CDH13: variants seen among roughly 807,000 people sequenced by gnomAD.
CDH13 encodes the protein cadherin 13, also known as cadherin-13.
Under a neutral mutation model 63.8 loss-of-function variants are expected in CDH13, and 24 were observed. The ratio of observed to expected loss-of-function variants is 0.38; its 90% CI spans 0.27 to 0.53. CDH13 has a LOEUF of 0.53. Ranked by LOEUF, CDH13 falls within the 20% of genes least tolerant of loss-of-function variation. The pLI, the probability that CDH13 is intolerant of heterozygous loss-of-function variation, is 0.85. For synonymous variants in CDH13, 503 were observed against 355.3 expected (o/e 1.42, Z -4.67); for missense variants, 1,049 against 903.1 (o/e 1.16, Z -2.07).
chr16:82,686,745 A>G (rs1342280176), intron 1 of CDH13, among the ~76,000 whole-genome samples: 1 of 152,204 alleles, frequency 6.6e-6, no homozygotes, highest in Non-Finnish European at 1.5e-5. Flanking sequence ...CACAGGGGAA[A>G]TAGAGTGATC....
At chr16:82,661,188 C>T (rs912156675) in intron 1 of CDH13, among the ~76,000 whole-genome samples, 3 of 152,152 alleles carry the variant, frequency 2.0e-5, no homozygotes, top group Non-Finnish European at 4.4e-5. Flanking sequence ...TTACGCTGAC[C>T]TAGTGAGGTT....
chr16:83,507,153 C>A (rs987069543), intron 7 of CDH13, among the ~76,000 whole-genome samples: 1 of 152,212 alleles, frequency 6.6e-6, no homozygotes, highest in African/African-American at 2.4e-5. Flanking sequence ...TTCTGGTCTT[C>A]TTTGCATGAC....
At chr16:82,929,560 G>A (rs566177687) in intron 2 of CDH13, among the ~76,000 whole-genome samples, 1 of 144,770 alleles carries the variant, frequency 6.9e-6, no homozygotes, top group African/African-American at 2.6e-5. Flanking sequence ...GCTGAAGCAG[G>A]AGAATGGCAT....
At chr16:83,562,267 A>T (rs1284910759) in intron 7 of CDH13, among the ~76,000 whole-genome samples, 1 of 152,170 alleles carries the variant, frequency 6.6e-6, no homozygotes, top group African/African-American at 2.4e-5. Flanking sequence ...GTGCATCAGG[A>T]TCCTTGTCAG....
chr16:83,569,476 G>C (rs1384109794), intron 7 of CDH13, among the ~76,000 whole-genome samples: 2 of 152,144 alleles, frequency 1.3e-5, no homozygotes, highest in African/African-American at 4.8e-5. Flanking sequence ...TTTTTCTCTG[G>C]AAACTATGCT....
intron 2 of CDH13, among the ~76,000 whole-genome samples, chr16:82,971,182 T>G (rs1597328262): frequency 6.6e-6 from 1 of 152,342 alleles, no homozygotes; most frequent in South Asian, 2.1e-4. Context: ...ACTCTAAGGC[T>G]TATGTTTTAA....
intron 13 of CDH13, among the ~76,000 whole-genome samples, chr16:83,787,750 C>T (rs1915982311): frequency 6.6e-6 from 1 of 152,226 alleles, no homozygotes. Context: ...CAAGACCAGC[C>T]TGGCCAACAT....
chr16:83,248,153 C>T (rs1169133798), intron 5 of CDH13, among the ~76,000 whole-genome samples: 1 of 152,082 alleles, frequency 6.6e-6, no homozygotes, highest in Non-Finnish European at 1.5e-5. Context: ...CTTTCTTCCA[C>T]TCACAGCGCC....
chr16:83,656,611 A>G (rs565377875), intron 8 of CDH13, among the ~76,000 whole-genome samples: 15 of 152,298 alleles, frequency 9.8e-5, no homozygotes, highest in Admixed American at 4.6e-4. Flanking sequence ...AGATCCAGGC[A>G]TTGTTACCCT....
intron 1 of CDH13, among the ~76,000 whole-genome samples, chr16:82,840,477 C>A (rs2615132): frequency 6.6e-6 from 1 of 151,180 alleles, no homozygotes. Flanking sequence ...GAGGTCAGGA[C>A]TTTGAGACCA....
At chr16:82,956,799 T>C (rs931698863) in intron 2 of CDH13, among the ~76,000 whole-genome samples, 3 of 152,222 alleles carry the variant, frequency 2.0e-5, no homozygotes, top group Non-Finnish European at 2.9e-5. Context: ...CAATAACTTG[T>C]GTCTCAGTGG....
chr16:83,678,874 G>A (rs1186693953), intron 10 of CDH13, among the ~76,000 whole-genome samples: 1 of 152,192 alleles, frequency 6.6e-6, no homozygotes, highest in African/African-American at 2.4e-5. Flanking sequence ...CAGGTATTGT[G>A]GATTCGCAGA....
rs930988203 is a variant in CDH13, at chr16:83,130,173, T to A, written c.483+4672T>A. Among the ~76,000 whole-genome samples the A allele has an allele frequency of 5.3e-5, 8 of 152,360 alleles. No homozygotes were observed. In the East Asian group the frequency reaches 9.6e-4, roughly 18 times the overall value. On this transcript the variant is annotated intron_variant, in intron 4 of 13. Coordinates refer to ENST00000567109, the MANE Select transcript of CDH13 (RefSeq NM_001257.5). ...GACAATATCAGCACATAGTCATTAT[T>A]TGTCCAGCACTGTGCTAAGCACTTT...
chr16:82,984,075 T>G (rs1910632290), intron 2 of CDH13, among the ~76,000 whole-genome samples: 1 of 152,180 alleles, frequency 6.6e-6, no homozygotes, highest in African/African-American at 2.4e-5. Context: ...CCCAGCAGTT[T>G]TCTAAACCTG....
chr16:83,469,384 C>A (rs1410888497), intron 6 of CDH13, among the ~76,000 whole-genome samples: 1 of 152,106 alleles, frequency 6.6e-6, no homozygotes, highest in Non-Finnish European at 1.5e-5. Flanking sequence ...TCAGAGGCTT[C>A]AGTGCTAAGT....
At chr16:82,683,590 C>G (rs147051662) in intron 1 of CDH13, among the ~76,000 whole-genome samples, 257 of 152,298 alleles carry the variant, frequency 1.7e-3, no homozygotes, top group African/African-American at 5.8e-3. Flanking sequence ...CAGCAGCTCT[C>G]AAGGGGTAAG....
rs1224103257 is a variant in CDH13, at chr16:83,795,708, C to T, written c.*678C>T. The T allele has an allele frequency of 6.6e-6, 1 of 152,262 alleles. No individual in the cohort carries two copies. The highest frequency in any genetic ancestry group is 1.9e-4 in the East Asian group (1 of 5,198). 9.4% of individuals were successfully genotyped at this position (152,262 alleles called of 1,614,324 possible). The stretch of plus-strand genomic sequence containing the variant: ...GTTCGAGGACTACAACCAATTTACA[C>T]TGCCATCTGATGCCGTGATCCTGAG... On this transcript the variant is annotated 3_prime_UTR_variant, in exon 14 of 14. Transcript: ENST00000567109.
At chr16:82,789,437 C>G (rs906467721) in intron 1 of CDH13, among the ~76,000 whole-genome samples, 16 of 152,178 alleles carry the variant, frequency 1.1e-4, no homozygotes, top group Admixed American at 3.9e-4. Context: ...TGAATCACAT[C>G]AAGGCGATGA....
intron 1 of CDH13, among the ~76,000 whole-genome samples, chr16:82,683,559 A>G (rs1199316433): frequency 1.3e-5 from 2 of 152,230 alleles, no homozygotes; most frequent in Non-Finnish European, 2.9e-5. Context: ...AAGCACACAA[A>G]TATAGTTGGA....
Sources: gnomAD v4.1 joint callset for allele counts (sites outside exome capture counted in the v4.1 genomes callset) on GRCh38, gnomAD v4.1.1 for gene constraint, MANE v1.5 for transcripts, NCBI Gene and HGNC (gene_info 2026-07-23, HGNC 2026-07-21) for gene names.